Variants in MYOF observed in about 807,000 individuals in gnomAD.
MYOF encodes fer-1-like 3, myoferlin.
MYOF carries 244 observed loss-of-function variants against 284.2 expected under a neutral mutation model. The observed-to-expected ratio is 0.86, with a 90% confidence interval of 0.77 to 0.95. The LOEUF (loss-of-function observed/expected upper bound fraction) is 0.95. MYOF is among the 40% of genes least tolerant of loss of function. The pLI is 0.00. For missense variants in MYOF, 2,496 were observed against 2,560.6 expected, an observed-to-expected ratio of 0.97 and a Z score of 0.54; for synonymous variants, 904 against 919.7, an observed-to-expected ratio of 0.98 and a Z score of 0.31.
chr10:93,427,338 T>C (rs1321698749), intron 4 of MYOF, among the ~76,000 whole-genome samples: 7 of 151,544 alleles, frequency 4.6e-5, no homozygotes, highest in African/African-American at 1.5e-4. Context: ...TGAGACCAGC[T>C]TGGCCAACAC....
At chr10:93,362,780 T>C (rs2133933720) in intron 27 of MYOF, among the ~76,000 whole-genome samples, 1 of 152,328 alleles carries the variant, frequency 6.6e-6, no homozygotes, top group African/African-American at 2.4e-5. Context: ...CTTATTCATG[T>C]GGCAAAGATT....
intron 24 of MYOF, among the ~76,000 whole-genome samples, chr10:93,370,314 A>ATTTTTTTCTT (rs1554847923): frequency 2.4e-5 from 3 of 122,466 alleles, no homozygotes; most frequent in African/African-American, 1.1e-4. Flanking sequence ...ATGATTACTA[A>ATTTTTTTCTT]TTTTTTTTTT....
chr10:93,371,922 C>G (rs1845612132), intron 24 of MYOF, among the ~76,000 whole-genome samples: 1 of 152,154 alleles, frequency 6.6e-6, no homozygotes, highest in South Asian at 2.1e-4. Flanking sequence ...CTCTCCCACC[C>G]CCTGTGAAGC....
chr10:93,380,035 A>T, intron 20 of MYOF, 48 bp from the exon 21 acceptor site: 1 of 1,587,706 alleles, frequency 6.3e-7, no homozygotes, highest in African/African-American at 1.3e-5. Context: ...CTTAAAATAG[A>T]CAGCATGTTT....
At chr10:93,358,585 G>A (rs981477283) in intron 29 of MYOF, among the ~76,000 whole-genome samples, 3 of 152,006 alleles carry the variant, frequency 2.0e-5, no homozygotes, top group African/African-American at 7.3e-5. Context: ...TGAAGAAAAT[G>A]TGGTATATCT....
intron 1 of MYOF, among the ~76,000 whole-genome samples, chr10:93,461,550 G>T (rs1977834): frequency 1.3e-5 from 2 of 151,958 alleles, no homozygotes; most frequent in Admixed American, 1.3e-4. Context: ...GAGAATTCAA[G>T]GGCAAGGAGG....
At chr10:93,311,591 A>C (rs1364746070) in intron 51 of MYOF, among the ~76,000 whole-genome samples, 163 of 3,932 alleles carry the variant, frequency 0.041, 2 homozygotes, top group East Asian at 0.15. Flanking sequence ...TTCATCTCTA[A>C]AAAAAAAAAA....
intron 24 of MYOF, among the ~76,000 whole-genome samples, chr10:93,372,372 C>G (rs1017887207): frequency 6.6e-6 from 1 of 152,148 alleles, no homozygotes; most frequent in Non-Finnish European, 1.5e-5. Flanking sequence ...AAAATATTAG[C>G]TGAACATGCA....
At chr10:93,425,677 T>G (rs1848557932) in intron 5 of MYOF, 1 of 198,756 alleles carries the variant, frequency 5.0e-6, no homozygotes, top group Non-Finnish European at 1.0e-5. Flanking sequence ...CAGAGCCCGG[T>G]GGTGGCACCT....
chr10:93,336,187 G>A (rs1843600092), intron 40 of MYOF, 141 bp from the exon 41 acceptor site: 1 of 865,094 alleles, frequency 1.2e-6, no homozygotes, highest in Non-Finnish European at 1.7e-6. Context: ...AGTGTAGACA[G>A]ATACAACCAC....
chr10:93,443,444 TC>T, intron 3 of MYOF, among the ~76,000 whole-genome samples: 1 of 146,922 alleles, frequency 6.8e-6, no homozygotes, highest in Admixed American at 7.1e-5. Context: ...TCTTCTCTCC[TC>T]TTTCTTCTCT....
chr10:93,339,200 A>G (rs1843761712), intron 39 of MYOF, among the ~76,000 whole-genome samples: 1 of 152,022 alleles, frequency 6.6e-6, no homozygotes, highest in Admixed American at 6.5e-5. Context: ...TTTAGTAGAG[A>G]TGGGGTTTCA....
chr10:93,460,776 A>AG (rs2056855449), intron 1 of MYOF, among the ~76,000 whole-genome samples: 1 of 95,368 alleles, frequency 1.0e-5, no homozygotes, highest in African/African-American at 3.4e-5. Context: ...CCAAAAAAAA[A>AG]AAAAAAAAAG....
chr10:93,363,906 C>T, intron 27 of MYOF, 55 bp downstream of exon 27: 1 of 1,540,648 alleles, frequency 6.5e-7, no homozygotes, highest in Non-Finnish European at 8.9e-7. Context: ...GGGTTCCCCG[C>T]AGATCACGAT....
chr10:93,419,391 G>A (rs1848262724), intron 5 of MYOF, among the ~76,000 whole-genome samples: 1 of 151,828 alleles, frequency 6.6e-6, no homozygotes, highest in South Asian at 2.1e-4. Flanking sequence ...TCGAACTCCT[G>A]ACCTCAGGTG....
intron 49 of MYOF, among the ~76,000 whole-genome samples, chr10:93,319,533 G>A (rs1460103104): frequency 6.6e-6 from 1 of 152,106 alleles, no homozygotes; most frequent in Admixed American, 6.5e-5. Flanking sequence ...ACTCTGCCTA[G>A]CATGGGAAGA....
chr10:93,361,118 G>A lies in MYOF; in HGVS notation c.2974+334C>T, dbSNP rs1845049670. On this transcript the variant is annotated intron_variant, in intron 28 of 53. Coordinates refer to ENST00000359263, the MANE Select transcript of MYOF (RefSeq NM_013451.4). Reference sequence around the variant, plus strand: ...TCTATGGACAGGGTTGTGGGGTAGAGGGAGGATGGCTAGATTCCCATGAGG... The same window carrying A: ...TCTATGGACAGGGTTGTGGGGTAGAAGGAGGATGGCTAGATTCCCATGAGG... 2.0e-5 allele frequency among the ~76,000 whole-genome samples: 3 copies of A among 152,166 alleles called. No individual in the cohort carries two copies. The South Asian group carries it at 6.2e-4, about 31-fold the overall frequency.
intron 42 of MYOF, 133 bp from the exon 43 acceptor site, chr10:93,333,445 T>A: frequency 1.4e-6 from 1 of 737,360 alleles, no homozygotes; most frequent in Non-Finnish European, 2.3e-6. Flanking sequence ...ACCCCGTGCC[T>A]AAGACAAGGG....
chr10:93,341,522 C>A (rs1843913244), intron 38 of MYOF, among the ~76,000 whole-genome samples: 1 of 152,200 alleles, frequency 6.6e-6, no homozygotes, highest in African/African-American at 2.4e-5. Context: ...GGTGATCCAC[C>A]TGCCTCAGCC....
Sources: allele counts gnomAD v4.1 joint callset (sites outside exome capture counted in the v4.1 genomes callset), GRCh38; gene constraint gnomAD v4.1.1; transcripts MANE v1.5; gene names NCBI Gene and HGNC (gene_info 2026-07-23, HGNC 2026-07-21).